Variants in RAB6A observed in about 807,000 individuals in gnomAD.
RAB6A encodes the protein ras-related protein Rab-6A.
RAB6A carries 8 observed loss-of-function variants against 32.3 expected under a neutral mutation model. The ratio of observed to expected loss-of-function variants is 0.25; its 90% CI spans 0.15 to 0.45. RAB6A has a LOEUF of 0.45. RAB6A is among the 20% of genes least tolerant of loss of function. The pLI is 1.00. For synonymous variants in RAB6A, 73 were observed against 82.1 expected, an observed-to-expected ratio of 0.89 and a Z score of 0.60; for missense variants, 104 against 249.4, an observed-to-expected ratio of 0.42 and a Z score of 3.93.
intron 6 of RAB6A, among the ~76,000 whole-genome samples, chr11:73,689,390 A>G (rs561019547): frequency 6.6e-6 from 1 of 152,254 alleles, no homozygotes; most frequent in Admixed American, 6.5e-5. Flanking sequence ...GTTGCCATTG[A>G]TCTGACAGGA....
chr11:73,736,809 GAAAAAAAA>G (rs756237159), intron 1 of RAB6A, among the ~76,000 whole-genome samples: 4 of 108,770 alleles, frequency 3.7e-5, no homozygotes, highest in Non-Finnish European at 6.8e-5. Flanking sequence ...AAAAAAAAAA[GAAAAAAAA>G]AAAAAAAAAC....
intron 1 of RAB6A, among the ~76,000 whole-genome samples, chr11:73,751,414 T>C (rs973512517): frequency 3.9e-5 from 6 of 152,158 alleles, no homozygotes; most frequent in African/African-American, 1.4e-4. Flanking sequence ...GACTCAATAA[T>C]GATCAATTTT....
chr11:73,720,555 T>C (rs1946120607), intron 3 of RAB6A, among the ~76,000 whole-genome samples: 1 of 152,168 alleles, frequency 6.6e-6, no homozygotes, highest in Non-Finnish European at 1.5e-5. Flanking sequence ...AGTTCACAAA[T>C]TGAAATCTTT....
rs1946837595 is a variant in RAB6A, at chr11:73,761,021, G to A, written c.-386C>T. The A allele has an allele frequency of 1.7e-5, 3 of 179,958 alleles. No homozygotes were observed. Among genetic ancestry groups the A allele is most frequent in the Non-Finnish European group, 2.4e-5 (2 of 83,168 alleles). 11.1% of individuals were successfully genotyped at this position (179,958 alleles called of 1,614,324 possible). A position where few individuals can be genotyped will look rare whatever the true frequency, so the allele number is the denominator to read the frequency against. On this transcript the variant is annotated 5_prime_UTR_variant, in exon 1 of 8. Transcript: ENST00000336083. Reference sequence around the variant, plus strand: ...CAGACGTATCTGGGACCTCTCACGCGCAGCGCCTGAGCTTCCACAGCTGCC... The same window carrying A: ...CAGACGTATCTGGGACCTCTCACGCACAGCGCCTGAGCTTCCACAGCTGCC...
At chr11:73,696,483 C>T (rs1472642191) in intron 6 of RAB6A, among the ~76,000 whole-genome samples, 1 of 152,140 alleles carries the variant, frequency 6.6e-6, no homozygotes, top group African/African-American at 2.4e-5. Flanking sequence ...GTGTGAGCCA[C>T]CACGCCCAGC....
chr11:73,679,128 A>T (rs2134857700), intron 7 of RAB6A, among the ~76,000 whole-genome samples: 1 of 152,320 alleles, frequency 6.6e-6, no homozygotes. Context: ...TGCATATGGA[A>T]ATACACTAGA....
At chr11:73,750,269 C>T (rs1261601484) in intron 1 of RAB6A, among the ~76,000 whole-genome samples, 2 of 151,666 alleles carry the variant, frequency 1.3e-5, no homozygotes, top group East Asian at 3.9e-4. Context: ...AATATTTGTC[C>T]TTTTGTGACT....
At chr11:73,700,609 T>TGG (rs59223959) in intron 6 of RAB6A, among the ~76,000 whole-genome samples, 1 of 28,630 alleles carries the variant, frequency 3.5e-5, no homozygotes, top group Non-Finnish European at 5.3e-5. Flanking sequence ...AGTGTGTGTG[T>TGG]GGGGGGGGGG....
chr11:73,757,493 A>C (rs1159556099), intron 1 of RAB6A, among the ~76,000 whole-genome samples: 5 of 152,012 alleles, frequency 3.3e-5, no homozygotes, highest in Non-Finnish European at 7.4e-5. Context: ...ATTTTTGATA[A>C]GCCAAATAAA....
intron 6 of RAB6A, among the ~76,000 whole-genome samples, chr11:73,705,002 A>G (rs1945814906): frequency 6.6e-6 from 1 of 151,638 alleles, no homozygotes; most frequent in South Asian, 2.1e-4. Context: ...TCTCGAAAAT[A>G]AATAATAAAT....
At chr11:73,731,766 A>G (rs1470505686) in intron 1 of RAB6A, among the ~76,000 whole-genome samples, 8 of 140,618 alleles carry the variant, frequency 5.7e-5, no homozygotes, top group Non-Finnish European at 9.1e-5. Context: ...TTTTTTTTAG[A>G]CAGTCTCGCT....
chr11:73,730,924 C>T, intron 1 of RAB6A, 101 bp from the exon 2 acceptor site: 1 of 781,514 alleles, frequency 1.3e-6, no homozygotes, highest in South Asian at 1.6e-5. Context: ...ATGGGAAATA[C>T]CTGCAATGGT....
At chr11:73,758,288 G>A (rs1946791424) in intron 1 of RAB6A, among the ~76,000 whole-genome samples, 1 of 152,026 alleles carries the variant, frequency 6.6e-6, no homozygotes, top group Non-Finnish European at 1.5e-5. Context: ...AACAGAAAAA[G>A]GACATTAGGT....
At chr11:73,754,285 T>G (rs960827909) in intron 1 of RAB6A, among the ~76,000 whole-genome samples, 3 of 152,226 alleles carry the variant, frequency 2.0e-5, no homozygotes, top group African/African-American at 7.2e-5. Context: ...TACAATTGAC[T>G]TGATATTACC....
chr11:73,742,843 A>C (rs1007745065), intron 1 of RAB6A, among the ~76,000 whole-genome samples: 2 of 152,138 alleles, frequency 1.3e-5, no homozygotes, highest in Non-Finnish European at 1.5e-5. Context: ...ATCAATGCTC[A>C]AATGGCTATT....
At chr11:73,706,888 C>T (rs990293480) in intron 6 of RAB6A, among the ~76,000 whole-genome samples, 1 of 152,098 alleles carries the variant, frequency 6.6e-6, no homozygotes, top group Non-Finnish European at 1.5e-5. Flanking sequence ...GAGGCCAAGG[C>T]AGGCGGATCA....
At chr11:73,735,656 G>A (rs180687911) in intron 1 of RAB6A, among the ~76,000 whole-genome samples, 54 of 152,158 alleles carry the variant, frequency 3.5e-4, no homozygotes, top group African/African-American at 1.2e-3. Flanking sequence ...GCTAACTTAG[G>A]AAGCTTTATT....
At chr11:73,735,188 A>T (rs1338978085) in intron 1 of RAB6A, among the ~76,000 whole-genome samples, 1 of 152,214 alleles carries the variant, frequency 6.6e-6, no homozygotes, top group Admixed American at 6.5e-5. Context: ...TGAAGGCCAG[A>T]CACAACAATG....
intron 5 of RAB6A, among the ~76,000 whole-genome samples, chr11:73,710,670 G>C (rs1446105722): frequency 1.3e-5 from 2 of 151,996 alleles, no homozygotes; most frequent in African/African-American, 4.8e-5. Context: ...CCAGGAAGTG[G>C]GGGTTGCAGT....
Sources: allele counts gnomAD v4.1 joint callset (sites outside exome capture counted in the v4.1 genomes callset), GRCh38; gene constraint gnomAD v4.1.1; transcripts MANE v1.5; gene names NCBI Gene and HGNC (gene_info 2026-07-23, HGNC 2026-07-21).